The following SPRY3 variants were observed in gnomAD, a reference collection of about 807,000 sequenced individuals.
SPRY3 encodes protein sprouty homolog 3.
Under a neutral mutation model 20.2 loss-of-function variants are expected in SPRY3, and 15 were observed. The observed-to-expected ratio is 0.74, with a 90% confidence interval of 0.50 to 1.14. The LOEUF (loss-of-function observed/expected upper bound fraction) is 1.14. SPRY3 is among the 50% of genes most tolerant of loss of function. SPRY3 has a pLI of 0.00. For synonymous variants in SPRY3, 143 were observed against 136.5 expected (o/e 1.05, Z -0.33); for missense variants, 364 against 363.9 (o/e 1.00, Z 0.00).
chrX:155,734,092 G>C (rs1285212249), intron 2 of SPRY3, among the ~76,000 whole-genome samples: 2 of 152,066 alleles, frequency 1.3e-5, no homozygotes, highest in African/African-American at 4.8e-5. Flanking sequence ...ATCTTGTTCA[G>C]GAACTTTTTC....
intron 1 of SPRY3, among the ~76,000 whole-genome samples, chrX:155,621,848 T>A (rs782326548): frequency 9.0e-6 from 1 of 111,568 alleles, no homozygotes; most frequent in African/African-American, 3.3e-5. Context: ...TTATACCGTA[T>A]CTTATTACAC....
chrX:155,722,046 A>T (rs970842233), intron 2 of SPRY3, among the ~76,000 whole-genome samples: 2 of 114,924 alleles, frequency 1.7e-5, no homozygotes, highest in Non-Finnish European at 3.3e-5. Flanking sequence ...AAATAGGAAC[A>T]AAAAAAATTA....
chrX:155,659,388 G>T (rs182342845), intron 2 of SPRY3, among the ~76,000 whole-genome samples: 1 of 109,888 alleles, frequency 9.1e-6, no homozygotes, highest in African/African-American at 3.3e-5. Flanking sequence ...CTCGTGATCC[G>T]CCCGCCTTGG....
At chrX:155,750,907 T>C (rs983947224) in intron 2 of SPRY3, among the ~76,000 whole-genome samples, 2 of 151,922 alleles carry the variant, frequency 1.3e-5, no homozygotes, top group Non-Finnish European at 2.9e-5. Context: ...TTAGGCATGT[T>C]TGGATTTTTT....
At chrX:155,774,005 T>C in exon 4 of SPRY3, 1 of 1,613,956 alleles carries the variant, frequency 6.2e-7, no homozygotes, top group Non-Finnish European at 8.5e-7. Flanking sequence ...CCTTCCCTTA[T>C]TGTGCAAACC....
rs782461120 is a variant in SPRY3, at chrX:155,632,154, G to A, written c.-441+19507G>A. Among the ~76,000 whole-genome samples the A allele has an allele frequency of 3.9e-4, 42 of 108,243 alleles. No homozygotes were observed. The South Asian group carries it at 4.5e-3, about 11-fold the overall frequency. The allele number at this position is 108,243 out of a possible 115,157, so 94.0% of individuals were successfully genotyped here. A position where few individuals can be genotyped will look rare whatever the true frequency, so the allele number is the denominator to read the frequency against. ...CTTTCGTGACATAATGTAGAGGAAG[G>A]AATATGAAAGCTTAGGGAGATAGGA... is the stretch of plus-strand genomic sequence containing the variant. On this transcript the variant is annotated intron_variant, in intron 1 of 3. Coordinates refer to ENST00000675360, the Ensembl canonical transcript of SPRY3.
At chrX:155,635,919 T>C (rs1206592247) in intron 1 of SPRY3, among the ~76,000 whole-genome samples, 1 of 112,014 alleles carries the variant, frequency 8.9e-6, no homozygotes, top group African/African-American at 3.2e-5. Context: ...GACTGAACAA[T>C]GGATAGACTG....
intron 2 of SPRY3, among the ~76,000 whole-genome samples, chrX:155,740,637 T>A (rs1306166218): frequency 6.6e-6 from 1 of 152,134 alleles, no homozygotes. Context: ...TCAGACCGGT[T>A]CTCTGCTCTC....
At chrX:155,625,758 A>C (rs2067886117) in intron 1 of SPRY3, among the ~76,000 whole-genome samples, 1 of 111,027 alleles carries the variant, frequency 9.0e-6, no homozygotes, top group African/African-American at 3.3e-5. Flanking sequence ...ACTCCCTACC[A>C]CTGGCAACCA....
intron 2 of SPRY3, among the ~76,000 whole-genome samples, chrX:155,760,134 G>A: frequency 6.6e-6 from 1 of 152,342 alleles, no homozygotes; most frequent in Non-Finnish European, 1.5e-5. Flanking sequence ...CTGGAATAGA[G>A]TAGTAATCTC....
chrX:155,730,739 A>G (rs929140813), intron 2 of SPRY3, among the ~76,000 whole-genome samples: 1 of 152,144 alleles, frequency 6.6e-6, no homozygotes, highest in Non-Finnish European at 1.5e-5. Flanking sequence ...TTTGCAGATG[A>G]TATGATCTTA....
chrX:155,622,691 CA>C (rs2067875365), intron 1 of SPRY3, among the ~76,000 whole-genome samples: 1 of 111,773 alleles, frequency 8.9e-6, no homozygotes, highest in Admixed American at 9.5e-5. Context: ...GTTCCCCCTC[CA>C]AGTTTCTTCA....
intron 2 of SPRY3, among the ~76,000 whole-genome samples, chrX:155,739,576 G>C (rs1205013976): frequency 6.6e-6 from 1 of 152,104 alleles, no homozygotes; most frequent in African/African-American, 2.4e-5. Context: ...GCATCAGGTC[G>C]GTGACCACTG....
chrX:155,667,133 A>G (rs782182021), intron 2 of SPRY3, among the ~76,000 whole-genome samples: 1 of 111,304 alleles, frequency 9.0e-6, no homozygotes, highest in East Asian at 2.8e-4. Flanking sequence ...TGAGAGGGTT[A>G]AGTAGTGAGT....
At chrX:155,673,000 G>A (rs1212140093) in intron 2 of SPRY3, among the ~76,000 whole-genome samples, 2 of 91,980 alleles carry the variant, frequency 2.2e-5, no homozygotes, top group Non-Finnish European at 4.3e-5. Flanking sequence ...TCACTCATAG[G>A]TGGGAATTGA....
chrX:155,653,988 C>G (rs1020409881), intron 1 of SPRY3, among the ~76,000 whole-genome samples: 1 of 111,762 alleles, frequency 8.9e-6, no homozygotes, highest in Non-Finnish European at 1.9e-5. Context: ...TCAGATCCCA[C>G]AGGTTAAGGG....
At chrX:155,773,883 G>A (rs201841720) in exon 4 of SPRY3, 32 of 1,613,396 alleles carry the variant, frequency 2.0e-5, no homozygotes, top group South Asian at 3.3e-5. Context: ...TGGATGCTGC[G>A]GTGACAGATG....
At chrX:155,775,993 C>G (rs2091422944) in exon 4 of SPRY3, 1 of 167,140 alleles carries the variant, frequency 6.0e-6, no homozygotes, top group African/African-American at 2.4e-5. Context: ...AGGCCGCACA[C>G]TGAGTTAACA....
At chrX:155,728,074 G>A (rs1368059445) in intron 2 of SPRY3, among the ~76,000 whole-genome samples, 2 of 152,170 alleles carry the variant, frequency 1.3e-5, no homozygotes, top group African/African-American at 2.4e-5. Flanking sequence ...GTCTGTTGGA[G>A]TTTGCTGGAG....
Sources: allele counts gnomAD v4.1 joint callset (sites outside exome capture counted in the v4.1 genomes callset), GRCh38; gene constraint gnomAD v4.1.1; transcripts MANE v1.5; gene names NCBI Gene and HGNC (gene_info 2026-07-23, HGNC 2026-07-21).